MTHFS: variants seen among roughly 807,000 people sequenced by gnomAD.
MTHFS encodes 5-formyltetrahydrofolate cyclo-ligase.
MTHFS carries 7 observed loss-of-function variants against 12.7 expected under a neutral mutation model. The ratio of observed to expected loss-of-function variants is 0.55; its 90% CI spans 0.31 to 1.03. The LOEUF (loss-of-function observed/expected upper bound fraction) is 1.03, where lower values mean the gene tolerates loss of function less well. Ranked by LOEUF, MTHFS falls within the 50% of genes least tolerant of loss-of-function variation. The probability of loss-of-function intolerance (pLI) is 0.05; values close to 1 mark genes in which losing one functional copy is unlikely to be tolerated. For synonymous variants in MTHFS, 100 were observed against 97.1 expected (o/e 1.03, Z -0.18); for missense variants, 252 against 258.1 (o/e 0.98, Z 0.16).
At chr15:79,866,254 G>C (rs1023292901) in intron 2 of MTHFS, among the ~76,000 whole-genome samples, 4 of 151,980 alleles carry the variant, frequency 2.6e-5, no homozygotes, top group Non-Finnish European at 5.9e-5. Flanking sequence ...TGAGTTCAAC[G>C]GTTTCCTTCT....
At chr15:79,855,548 T>C (rs562724368) in intron 2 of MTHFS, among the ~76,000 whole-genome samples, 4 of 152,336 alleles carry the variant, frequency 2.6e-5, no homozygotes, top group African/African-American at 9.6e-5. Flanking sequence ...CAGGGGTACA[T>C]GTGCAGGTTT....
At chr15:79,858,574 A>G (rs1182822654) in intron 2 of MTHFS, among the ~76,000 whole-genome samples, 1 of 152,180 alleles carries the variant, frequency 6.6e-6, no homozygotes, top group East Asian at 1.9e-4. Flanking sequence ...TCCAATTCAG[A>G]TAATCCCCTA....
chr15:79,846,371 G>C (rs963722666), intron 2 of MTHFS, among the ~76,000 whole-genome samples: 3 of 152,178 alleles, frequency 2.0e-5, no homozygotes, highest in African/African-American at 7.2e-5. Context: ...CTGTCCTGGG[G>C]GTTTCTGGGT....
At chr15:79,881,443 G>C (rs186547421) in intron 2 of MTHFS, among the ~76,000 whole-genome samples, 1 of 152,212 alleles carries the variant, frequency 6.6e-6, no homozygotes, top group East Asian at 1.9e-4. Context: ...CGCTGCAAAA[G>C]ATAAAATAGA....
At chr15:79,894,304 G>T (rs369995264) in intron 1 of MTHFS, among the ~76,000 whole-genome samples, 2 of 151,908 alleles carry the variant, frequency 1.3e-5, no homozygotes, top group African/African-American at 2.4e-5. Flanking sequence ...TCGCTTGAAC[G>T]TGGGAGGCAG....
chr15:79,890,743 T>C (rs190590314), intron 1 of MTHFS, among the ~76,000 whole-genome samples: 2 of 152,206 alleles, frequency 1.3e-5, no homozygotes, highest in Admixed American at 1.3e-4. Context: ...AGAAATTAAG[T>C]AGATAGAGCA....
At chr15:79,851,848 A>C (rs865957474) in intron 2 of MTHFS, among the ~76,000 whole-genome samples, 2 of 152,228 alleles carry the variant, frequency 1.3e-5, no homozygotes, top group African/African-American at 4.8e-5. Context: ...AACAAGGCCA[A>C]GCATCTTAGA....
intron 2 of MTHFS, among the ~76,000 whole-genome samples, chr15:79,886,468 G>C (rs1233530920): frequency 6.6e-6 from 1 of 151,790 alleles, no homozygotes; most frequent in African/African-American, 2.4e-5. Flanking sequence ...TTACAATCCA[G>C]ATTGCAAGTA....
At chr15:79,896,468 AC>A (rs1016756086) in intron 1 of MTHFS, among the ~76,000 whole-genome samples, 3 of 152,156 alleles carry the variant, frequency 2.0e-5, no homozygotes, top group Non-Finnish European at 4.4e-5. Flanking sequence ...CACTGAGGGA[AC>A]CTGGGCACTC....
Position 79,844,823 on chromosome 15 carries a change from G to A in MTHFS, c.*387C>T, listed in dbSNP as rs1290911840. Among the ~76,000 whole-genome samples, 2 of 152,190 alleles carry A rather than the reference G, an allele frequency of 1.3e-5. No homozygotes were observed. Among genetic ancestry groups the A allele is most frequent in the Non-Finnish European group, 2.9e-5 (2 of 68,040 alleles). ...TCCCCAAGTCTCCATGTGCCTGCCA[G>A]GACAGACCAGGTCATGAAAGGCGTA... On this transcript the variant is annotated 3_prime_UTR_variant, in exon 3 of 3. Coordinates refer to ENST00000258874, the MANE Select transcript of MTHFS (RefSeq NM_006441.4).
At chr15:79,891,811 T>C (rs2034476333) in intron 1 of MTHFS, among the ~76,000 whole-genome samples, 2 of 151,722 alleles carry the variant, frequency 1.3e-5, no homozygotes, top group Non-Finnish European at 2.9e-5. Flanking sequence ...CTACTAAATA[T>C]ACAACAATTA....
At chr15:79,848,602 A>G (rs979767714) in intron 2 of MTHFS, among the ~76,000 whole-genome samples, 2 of 152,274 alleles carry the variant, frequency 1.3e-5, no homozygotes, top group African/African-American at 4.8e-5. Flanking sequence ...AAGAAAAGGC[A>G]GAAGTTTGGA....
intron 2 of MTHFS, among the ~76,000 whole-genome samples, chr15:79,846,358 C>G (rs555215421): frequency 5.5e-4 from 83 of 152,186 alleles, no homozygotes; most frequent in Non-Finnish European, 1.0e-3. Flanking sequence ...GGCCTCCTGA[C>G]AGCTGTCCTG....
Position 79,896,949 on chromosome 15 carries a change from G to A in MTHFS, c.40C>T (p.Arg14Trp), listed in dbSNP as rs1352437667. The A allele has an allele frequency of 2.5e-5, 39 of 1,537,264 alleles. No individual in the cohort carries two copies. The highest frequency in any genetic ancestry group is 3.3e-5 in the Non-Finnish European group (38 of 1,145,616). The change falls in exon 1 of 3, where the codon CGG becomes TGG. Residue 14 changes from arginine to tryptophan, a missense_variant. Transcript: ENST00000258874. ...AAVSSAKRSLRGELKQRLRAM... is the reference protein window; with the variant it reads ...AAVSSAKRSLWGELKQRLRAM... The stretch of plus-strand genomic sequence containing the variant: ...CGCAGACGCTGCTTCAGCTCTCCCC[G>A]CAGGCTCCGCTTGGCGCTGCTCACC...
chr15:79,882,568 A>C (rs1271326310), intron 2 of MTHFS, among the ~76,000 whole-genome samples: 2 of 152,196 alleles, frequency 1.3e-5, no homozygotes, highest in Non-Finnish European at 2.9e-5. Context: ...TCCAGGGCCC[A>C]GCAGCTACCT....
chr15:79,895,157 T>C (rs2034546658), intron 1 of MTHFS, among the ~76,000 whole-genome samples: 2 of 152,134 alleles, frequency 1.3e-5, no homozygotes, highest in Admixed American at 1.3e-4. Context: ...GGATATACAG[T>C]TAAAAAACAA....
chr15:79,882,234 A>G (rs1479682262), intron 2 of MTHFS, among the ~76,000 whole-genome samples: 2 of 152,208 alleles, frequency 1.3e-5, no homozygotes, highest in Non-Finnish European at 2.9e-5. Context: ...TCTTATAACT[A>G]CTTATTTCTT....
At position 79,875,796 on chromosome 15, in the gene MTHFS, T is replaced by C. The variant is rs149604669; in HGVS notation, c.379+13297A>G. The C allele has an allele frequency of 8.5e-5, 13 of 152,196 alleles. 1 individual carries two copies. Among genetic ancestry groups the C allele is most frequent in the Middle Eastern group, 6.8e-3 (2 of 294 alleles). The allele number at this position is 152,196 out of a possible 1,614,324, so 9.4% of individuals were successfully genotyped here. On this transcript the variant is annotated intron_variant, in intron 2 of 2. Transcript: ENST00000258874. ...GTGAAAAAACACAATGGGAGAAATA[T>C]TTGCAAATCACATATCTGACAAGGA...
chr15:79,884,845 T>C (rs1184430353), intron 2 of MTHFS, among the ~76,000 whole-genome samples: 2 of 152,180 alleles, frequency 1.3e-5, no homozygotes, highest in African/African-American at 2.4e-5. Context: ...CCCTGTGACA[T>C]GCCAGCACAA....
Sources: gnomAD v4.1 joint callset for allele counts (sites outside exome capture counted in the v4.1 genomes callset) on GRCh38, gnomAD v4.1.1 for gene constraint, MANE v1.5 for transcripts, NCBI Gene and HGNC (gene_info 2026-07-23, HGNC 2026-07-21) for gene names.